Variants in EIF4G3 observed in about 807,000 individuals in gnomAD.
The protein encoded by EIF4G3 is eIF-4-gamma 3.
Under a neutral mutation model 186.4 loss-of-function variants are expected in EIF4G3, and 34 were observed. That is an observed-to-expected ratio of 0.18 (90% CI 0.14 to 0.24). EIF4G3 has a LOEUF of 0.24. Among genes scored for constraint, EIF4G3 ranks in the 10% least tolerant of loss-of-function variants. EIF4G3 has a pLI of 1.00. For synonymous variants in EIF4G3, 673 were observed against 679.5 expected, an observed-to-expected ratio of 0.99 and a Z score of 0.15; for missense variants, 1,536 against 1,948.5, an observed-to-expected ratio of 0.79 and a Z score of 3.99.
intron 4 of EIF4G3, among the ~76,000 whole-genome samples, chr1:21,041,993 T>TC (rs558987292): frequency 2.6e-5 from 4 of 151,682 alleles, no homozygotes; most frequent in Non-Finnish European, 4.4e-5. Context: ...TCTTTTCTTT[T>TC]TTTTTTTTTT....
intron 7 of EIF4G3, among the ~76,000 whole-genome samples, chr1:20,993,098 C>G (rs2081472564): frequency 6.6e-6 from 1 of 152,004 alleles, no homozygotes; most frequent in African/African-American, 2.4e-5. Flanking sequence ...TTATAAAATG[C>G]CAAAAGAATA....
chr1:21,076,398 A>G (rs2095588766), intron 3 of EIF4G3, among the ~76,000 whole-genome samples: 2 of 152,190 alleles, frequency 1.3e-5, no homozygotes, highest in South Asian at 2.1e-4. Context: ...AAAAAAGCAG[A>G]AAGAAAAGCA....
chr1:21,087,282 T>G (rs2101066460), intron 3 of EIF4G3, among the ~76,000 whole-genome samples: 1 of 152,322 alleles, frequency 6.6e-6, no homozygotes, highest in South Asian at 2.1e-4. Flanking sequence ...GTAAAACACC[T>G]AAAATTTACT....
chr1:20,947,575 A>G (rs1023194626), intron 13 of EIF4G3, among the ~76,000 whole-genome samples: 3 of 133,212 alleles, frequency 2.3e-5, no homozygotes, highest in Non-Finnish European at 3.4e-5. Context: ...AGAACGAGAG[A>G]GCAAGAGAAA....
intron 4 of EIF4G3, among the ~76,000 whole-genome samples, chr1:21,050,265 C>G (rs1311538734): frequency 6.6e-6 from 1 of 152,168 alleles, no homozygotes; most frequent in East Asian, 1.9e-4. Context: ...TATATCTTGG[C>G]AAACAGCTTA....
intron 2 of EIF4G3, among the ~76,000 whole-genome samples, chr1:21,130,044 T>C (rs12126133): frequency 0.37 from 55,949 of 151,524 alleles, 10,975 homozygotes; most frequent in Non-Finnish European, 0.43. Context: ...TTAGCTACCA[T>C]TTTAAGACTC....
chr1:20,999,356 T>C (rs1188026690), intron 6 of EIF4G3: 9 of 397,816 alleles, frequency 2.3e-5, no homozygotes, highest in Non-Finnish European at 4.6e-5. Flanking sequence ...ATCATACTTC[T>C]ACTATGGACA....
At chr1:20,905,545 C>G (rs188666218) in intron 14 of EIF4G3, among the ~76,000 whole-genome samples, 32 of 152,238 alleles carry the variant, frequency 2.1e-4, no homozygotes, top group Non-Finnish European at 3.5e-4. Context: ...GTTTGCCTAG[C>G]CTTTCATATT....
At chr1:20,873,687 A>G (rs367598089) in intron 20 of EIF4G3, among the ~76,000 whole-genome samples, 3 of 151,152 alleles carry the variant, frequency 2.0e-5, no homozygotes, top group South Asian at 2.1e-4. Flanking sequence ...CACTTCCCTA[A>G]TAATGAATAA....
chr1:20,923,809 C>CTATATATATATATATATATATATATATA (rs10587649), intron 14 of EIF4G3, among the ~76,000 whole-genome samples: 2 of 143,882 alleles, frequency 1.4e-5, no homozygotes, highest in African/African-American at 5.2e-5. Flanking sequence ...TTACCCATCC[C>CTATATATATATATATATATATATATATA]TATATATATA....
At chr1:21,012,568 C>T (rs1245240671) in intron 4 of EIF4G3, among the ~76,000 whole-genome samples, 1 of 152,172 alleles carries the variant, frequency 6.6e-6, no homozygotes, top group Admixed American at 6.5e-5. Flanking sequence ...ACCAAAGTAC[C>T]TTTGTAAAAA....
chr1:20,969,444 T>G (rs1362302690), intron 12 of EIF4G3, 30 bp downstream of exon 12: 2 of 1,612,688 alleles, frequency 1.2e-6, no homozygotes, highest in Middle Eastern at 1.7e-4. Flanking sequence ...GAACAAATAG[T>G]GCCATCCATT....
chr1:21,098,225 T>C (rs978010821), intron 2 of EIF4G3, among the ~76,000 whole-genome samples: 1 of 151,984 alleles, frequency 6.6e-6, no homozygotes, highest in Non-Finnish European at 1.5e-5. Context: ...GTAAATAAGA[T>C]AAAGGATTTG....
chr1:20,887,719 T>C (rs1381446937), intron 18 of EIF4G3, among the ~76,000 whole-genome samples: 2 of 143,688 alleles, frequency 1.4e-5, no homozygotes, highest in Non-Finnish European at 3.1e-5. Flanking sequence ...TGAAAGGAAA[T>C]AAAGATCATC....
intron 13 of EIF4G3, among the ~76,000 whole-genome samples, chr1:20,948,040 T>C (rs1370541588): frequency 6.6e-6 from 1 of 152,174 alleles, no homozygotes; most frequent in Non-Finnish European, 1.5e-5. Context: ...GATAAATTTT[T>C]TAAAAATCCT....
chr1:20,825,024 GA>G (rs2063258303), intron 33 of EIF4G3, 75 bp downstream of exon 33: 13 of 925,056 alleles, frequency 1.4e-5, no homozygotes, highest in Non-Finnish European at 1.1e-5. Context: ...ACTGGAATAC[GA>G]AGGAAATTAC....
intron 4 of EIF4G3, among the ~76,000 whole-genome samples, chr1:21,004,429 C>T (rs1348508877): frequency 6.6e-6 from 1 of 151,990 alleles, no homozygotes; most frequent in Non-Finnish European, 1.5e-5. Flanking sequence ...ATGGACATAT[C>T]CACAAGACTT....
chr1:21,099,546 C>T (rs997652102), intron 2 of EIF4G3, among the ~76,000 whole-genome samples: 1 of 152,062 alleles, frequency 6.6e-6, no homozygotes, highest in African/African-American at 2.4e-5. Flanking sequence ...AGAGTGAGAC[C>T]CTGTCCCTGA....
intron 4 of EIF4G3, among the ~76,000 whole-genome samples, chr1:21,031,444 G>A (rs2092740434): frequency 6.7e-6 from 1 of 150,322 alleles, no homozygotes; most frequent in Non-Finnish European, 1.5e-5. Context: ...CACAAGGGTT[G>A]CAGGCAAACA....
Sources: gnomAD v4.1 joint callset for allele counts (sites outside exome capture counted in the v4.1 genomes callset) on GRCh38, gnomAD v4.1.1 for gene constraint, MANE v1.5 for transcripts, NCBI Gene and HGNC (gene_info 2026-07-23, HGNC 2026-07-21) for gene names.